Variants in KCNQ1 observed in about 807,000 individuals in gnomAD.
KCNQ1 encodes the protein potassium voltage-gated channel subfamily Q member 1, also known as potassium voltage-gated channel subfamily KQT member 1.
A neutral mutation model predicts 72.4 loss-of-function variants in KCNQ1; 49 were observed. The ratio of observed to expected loss-of-function variants is 0.68; its 90% CI spans 0.54 to 0.86. The LOEUF (loss-of-function observed/expected upper bound fraction) is 0.86, where lower values mean the gene tolerates loss of function less well. Among genes scored for constraint, KCNQ1 ranks in the 40% least tolerant of loss-of-function variants. The pLI, the probability that KCNQ1 is intolerant of heterozygous loss-of-function variation, is 0.00. For missense variants in KCNQ1, 790 were observed against 945.1 expected (o/e 0.84, Z 2.15); for synonymous variants, 450 against 412.6 (o/e 1.09, Z -1.10).
rs1329124794 is a variant in KCNQ1 at position 2,593,759 on chromosome 11, C to A, written c.1393+4905C>A. Among the ~76,000 whole-genome samples the A allele has an allele frequency of 6.6e-6, 1 of 152,176 alleles. No individual in the cohort carries two copies. The highest frequency in any genetic ancestry group is 1.5e-5 in the Non-Finnish European group (1 of 68,032). Reference sequence around the variant, plus strand: ...AGGGTCAGGCTGTAGCCTCCTCCTGCTCCCGGCTCCGCGTCCTCAGCCCAA... The same window carrying A: ...AGGGTCAGGCTGTAGCCTCCTCCTGATCCCGGCTCCGCGTCCTCAGCCCAA... On this transcript the variant is annotated intron_variant, in intron 10 of 15. Coordinates refer to ENST00000155840, the MANE Select transcript of KCNQ1 (RefSeq NM_000218.3). This position sits in a 1 kb window ranked among gnomAD's most constrained non-coding sequence, Gnocchi z 6.9.
At position 2,549,989 on chromosome 11, in the gene KCNQ1, G is replaced by A. The variant is rs576750822; in HGVS notation, c.478-20639G>A. Among the ~76,000 whole-genome samples, 1 of 152,214 alleles carries A rather than the reference G, an allele frequency of 6.6e-6. No individual in the cohort carries two copies. The highest frequency in any genetic ancestry group is 1.9e-4 in the East Asian group (1 of 5,132). On this transcript the variant is annotated intron_variant, in intron 2 of 15. Transcript: ENST00000155840. This position sits in a 1 kb window ranked among gnomAD's most constrained non-coding sequence, Gnocchi z 6.2. ...CTCCACCTCCAGTAGACCCAGAGAC[G>A]GGGAGGCCAGGGTGCAGGGGACTGT...
rs778353137 is a variant in KCNQ1, at chr11:2,645,856, AT to A, written c.1394-16103del. 359 of 398,556 alleles carry A rather than the reference AT, an allele frequency of 9.0e-4. 1 individual carries two copies. Among genetic ancestry groups the A allele is most frequent in the South Asian group, 1.7e-3 (13 of 7,838 alleles). The allele number at this position is 398,556 out of a possible 1,614,324, so 24.7% of individuals were successfully genotyped here. A position where few individuals can be genotyped will look rare whatever the true frequency, so the allele number is the denominator to read the frequency against. On this transcript the variant is annotated intron_variant, in intron 10 of 15. Coordinates refer to ENST00000155840, the MANE Select transcript of KCNQ1 (RefSeq NM_000218.3). This position sits in a 1 kb window ranked among gnomAD's most constrained non-coding sequence, Gnocchi z 5.8. ...GCCTGAGGATTCAGGGGATGTGTGA[AT>A]TGCCTGAGGATTCAGGGTGATCTCC...
intron 1 of KCNQ1, among the ~76,000 whole-genome samples, chr11:2,460,803 C>A (rs2133581175): frequency 6.6e-6 from 1 of 152,352 alleles, no homozygotes; most frequent in East Asian, 1.9e-4. Flanking sequence ...GACCAGATCT[C>A]TCTCTGGCCC....
intron 1 of KCNQ1, among the ~76,000 whole-genome samples, chr11:2,470,704 TGG>T (rs113753362): frequency 9.3e-4 from 83 of 89,574 alleles, no homozygotes; most frequent in African/African-American, 3.1e-3. Context: ...CTCAGTTAGG[TGG>T]GGGGGGGGGT....
rs1286017591 is a variant in KCNQ1, at chr11:2,653,694, C to A, written c.1394-8267C>A. On this transcript the variant is annotated intron_variant, in intron 10 of 15. Transcript: ENST00000155840. This position sits in a 1 kb window ranked among gnomAD's most constrained non-coding sequence, Gnocchi z 5.3. ...GCATTCAACAGCTCAGGAAGCCCAG[C>A]AGAACGAGGTCATCTCTTCCAGGAT... 4 of 398,578 alleles carry A rather than the reference C, an allele frequency of 1.0e-5. No homozygotes were observed. The highest frequency in any genetic ancestry group is 8.8e-5 in the Admixed American group (2 of 22,722). The allele number at this position is 398,578 out of a possible 1,614,324, so 24.7% of individuals were successfully genotyped here.
intron 11 of KCNQ1, among the ~76,000 whole-genome samples, chr11:2,756,975 A>C (rs928770624): frequency 1.5e-5 from 2 of 133,720 alleles, no homozygotes; most frequent in Non-Finnish European, 3.3e-5. Flanking sequence ...AAAAAAAAAA[A>C]AAAAAACCCA....
At position 2,815,438 on chromosome 11, in the gene KCNQ1, C is replaced by G. The variant is rs1293350408; in HGVS notation, c.1795-32329C>G. Among the ~76,000 whole-genome samples, 1 of 152,138 alleles carries G rather than the reference C, an allele frequency of 6.6e-6. No homozygotes were observed. Among genetic ancestry groups the G allele is most frequent in the Non-Finnish European group, 1.5e-5 (1 of 68,016 alleles). ...GGTAGTTCTGAGTTCGGGGGACCCT[C>G]TCCTGGCCCTGTGGGGTCGGAGGAG... is the stretch of plus-strand genomic sequence containing the variant. On this transcript the variant is annotated intron_variant, in intron 15 of 15. Transcript: ENST00000155840. The surrounding 1 kb of genome is among the most constrained non-coding windows in gnomAD (Gnocchi z 5.4).
intron 15 of KCNQ1, among the ~76,000 whole-genome samples, chr11:2,811,289 C>T (rs946869400): frequency 3.3e-5 from 5 of 152,242 alleles, no homozygotes; most frequent in African/African-American, 9.6e-5. Flanking sequence ...TTTCCCTTAT[C>T]GCAACTGGTC....
rs906280203 is a variant in KCNQ1, at chr11:2,479,682, C to T, written c.386+34198C>T. On this transcript the variant is annotated intron_variant, in intron 1 of 15. Transcript: ENST00000155840. The surrounding 1 kb of genome is among the most constrained non-coding windows in gnomAD (Gnocchi z 4.6). The stretch of plus-strand genomic sequence containing the variant: ...GCTGCTCCTAAGGTCTCTGACATGC[C>T]CTGGAGACATTTTCCCCATTGTCTT... Among the ~76,000 whole-genome samples, 6 of 152,226 alleles carry T rather than the reference C, an allele frequency of 3.9e-5. No individual in the cohort carries two copies. The highest frequency in any genetic ancestry group is 8.8e-5 in the Non-Finnish European group (6 of 68,046).
In KCNQ1 at chr11:2,664,296, C is replaced by A; in HGVS notation, c.1514+2215C>A. 1 of 399,110 alleles carries A rather than the reference C, an allele frequency of 2.5e-6. No homozygotes were observed. The highest frequency in any genetic ancestry group is 4.4e-6 in the Non-Finnish European group (1 of 226,472). 24.7% of individuals were successfully genotyped at this position (399,110 alleles called of 1,614,324 possible). On this transcript the variant is annotated intron_variant, in intron 11 of 15. Coordinates refer to ENST00000155840, the MANE Select transcript of KCNQ1 (RefSeq NM_000218.3). This position sits in a 1 kb window ranked among gnomAD's most constrained non-coding sequence, Gnocchi z 5.1. ...TTGCTGCAAAGGGGCCACCTTGAGG[C>A]ATTGTGTTCTGGTCAGGGAAGACTC...
In KCNQ1 at chr11:2,450,480, G is replaced by C. The variant is rs1196236759; in HGVS notation, c.386+4996G>C. ...CAGACCCCAAGGATTTGGTTACAGAGGGGAGGGCGGCAGCGTCTGGCTTCA... is the reference window on the plus strand; with the variant it reads ...CAGACCCCAAGGATTTGGTTACAGACGGGAGGGCGGCAGCGTCTGGCTTCA... On this transcript the variant is annotated intron_variant, in intron 1 of 15. Coordinates refer to ENST00000155840, the MANE Select transcript of KCNQ1 (RefSeq NM_000218.3). The surrounding 1 kb of genome is among the most constrained non-coding windows in gnomAD (Gnocchi z 7.9). Among the ~76,000 whole-genome samples, 1 of 152,140 alleles carries C rather than the reference G, an allele frequency of 6.6e-6. No individual in the cohort carries two copies. The highest frequency in any genetic ancestry group is 6.5e-5 in the Admixed American group (1 of 15,278).
chr11:2,554,984 C>T (rs576763320), intron 2 of KCNQ1, among the ~76,000 whole-genome samples: 151 of 152,302 alleles, frequency 9.9e-4, no homozygotes, highest in Middle Eastern at 3.4e-3. Flanking sequence ...TAGACAGGCC[C>T]GTGTGCACAC....
rs553185190 is a variant in KCNQ1 at position 2,611,003 on chromosome 11, A to G, written c.1393+22149A>G. 2.5e-6 allele frequency: 1 copy of G among 398,332 alleles called. No homozygotes were observed. Among genetic ancestry groups the G allele is most frequent in the Non-Finnish European group, 4.4e-6 (1 of 225,992 alleles). 24.7% of individuals were successfully genotyped at this position (398,332 alleles called of 1,614,324 possible). A position where few individuals can be genotyped will look rare whatever the true frequency, so the allele number is the denominator to read the frequency against. On this transcript the variant is annotated intron_variant, in intron 10 of 15. Transcript: ENST00000155840. The surrounding 1 kb of genome is among the most constrained non-coding windows in gnomAD (Gnocchi z 5.3). ...TACTATTATTGTTGAGTTGTCTATT[A>G]TTGTTCAGTTGTCTGTTTCTCTCTT...
rs1214129622 is a variant in KCNQ1 at position 2,492,458 on chromosome 11, A to G, written c.387-35470A>G. 6.6e-6 allele frequency among the ~76,000 whole-genome samples: 1 copy of G among 152,134 alleles called. No individual in the cohort carries two copies. The highest frequency in any genetic ancestry group is 2.4e-5 in the African/African-American group (1 of 41,418). On this transcript the variant is annotated intron_variant, in intron 1 of 15. Transcript: ENST00000155840. The surrounding 1 kb of genome is among the most constrained non-coding windows in gnomAD (Gnocchi z 4.1). ...TGCTGCACCTATCAACCCATCATCT[A>G]GGTTTTAAGCCCTACATGCATTAGG... is the stretch of plus-strand genomic sequence containing the variant.
At chr11:2,594,186 G>A (rs1848706131) in intron 10 of KCNQ1, among the ~76,000 whole-genome samples, 1 of 152,104 alleles carries the variant, frequency 6.6e-6, no homozygotes, top group African/African-American at 2.4e-5. Context: ...CTTTATTCTT[G>A]GATGATGGTT....
intron 2 of KCNQ1, among the ~76,000 whole-genome samples, chr11:2,552,278 T>G (rs1043971489): frequency 1.3e-5 from 2 of 152,250 alleles, no homozygotes; most frequent in Non-Finnish European, 2.9e-5. Flanking sequence ...ATTTTATATA[T>G]GGTGACAGGT....
rs1241222485 is a variant in KCNQ1, at chr11:2,682,627, G to T, written c.1514+20546G>T. 2.5e-6 allele frequency: 1 copy of T among 398,532 alleles called. No homozygotes were observed. The highest frequency in any genetic ancestry group is 4.4e-6 in the Non-Finnish European group (1 of 226,080). The allele number at this position is 398,532 out of a possible 1,614,324, so 24.7% of individuals were successfully genotyped here. A position where few individuals can be genotyped will look rare whatever the true frequency, so the allele number is the denominator to read the frequency against. ...GTAAGGCTTGAGAGCTCTTCTTCAG[G>T]CTCAGTCATCCCTGCTTCCCCAGGG... On this transcript the variant is annotated intron_variant, in intron 11 of 15. Transcript: ENST00000155840. This position sits in a 1 kb window ranked among gnomAD's most constrained non-coding sequence, Gnocchi z 5.8.
At chr11:2,789,253 G>A (rs908031026) in intron 15 of KCNQ1, among the ~76,000 whole-genome samples, 7 of 152,140 alleles carry the variant, frequency 4.6e-5, no homozygotes, top group African/African-American at 1.2e-4. Context: ...AAGAGCAGAC[G>A]CTCTTCTGTC....
rs1850143344 is a variant in KCNQ1, at chr11:2,669,472, C to T, written c.1514+7391C>T. On this transcript the variant is annotated intron_variant, in intron 11 of 15. Transcript: ENST00000155840. This position sits in a 1 kb window ranked among gnomAD's most constrained non-coding sequence, Gnocchi z 5.6. ...GCCCTGTAGTTTTCAGTGTGGTGGT[C>T]ATGAACAGCTTGTCAGATTCATTCC... 2.5e-6 allele frequency: 1 copy of T among 398,446 alleles called. No individual in the cohort carries two copies. Among genetic ancestry groups the T allele is most frequent in the Non-Finnish European group, 4.4e-6 (1 of 226,076 alleles). The allele number at this position is 398,446 out of a possible 1,614,324, so 24.7% of individuals were successfully genotyped here. A position where few individuals can be genotyped will look rare whatever the true frequency, so the allele number is the denominator to read the frequency against.
Sources: gnomAD v4.1 joint callset for allele counts (sites outside exome capture counted in the v4.1 genomes callset) on GRCh38, gnomAD v4.1.1 for gene constraint, Gnocchi (gnomAD v3.1) non-coding constraint, MANE v1.5 for transcripts, NCBI Gene and HGNC (gene_info 2026-07-23, HGNC 2026-07-21) for gene names.